CCDC18: variants seen among roughly 807,000 people sequenced by gnomAD.
The protein encoded by CCDC18 is coiled-coil domain-containing protein 18.
Under a neutral mutation model 196.0 loss-of-function variants are expected in CCDC18, and 157 were observed. That is an observed-to-expected ratio of 0.80 (90% CI 0.70 to 0.91). CCDC18 has a LOEUF of 0.91. CCDC18 is among the 40% of genes least tolerant of loss of function. CCDC18 has a pLI of 0.00. For synonymous variants in CCDC18, 482 were observed against 529.2 expected (o/e 0.91, Z 1.22); for missense variants, 1,465 against 1,611.6 (o/e 0.91, Z 1.56).
At chr1:93,193,346 A>G (rs1420537988) in intron 5 of CCDC18, among the ~76,000 whole-genome samples, 1 of 152,166 alleles carries the variant, frequency 6.6e-6, no homozygotes, top group Non-Finnish European at 1.5e-5. Context: ...TAGTTTCTGA[A>G]CTATACAGGA....
At position 93,227,969 on chromosome 1, in the gene CCDC18, A is replaced by ATATATATATATAT. The variant is rs1199036758; in HGVS notation, c.2292+1520_2292+1521insTATATATATATAT. On this transcript the variant is annotated intron_variant, in intron 17 of 28. Coordinates refer to ENST00000690025, the MANE Select transcript of CCDC18 (RefSeq NM_001378204.1). ...CGAGACCCTATCTCAAAAAAAAAAA[A>ATATATATATATAT]AAATATATATATATATATATTTATT... is the stretch of plus-strand genomic sequence containing the variant. Among the ~76,000 whole-genome samples the ATATATATATATAT allele has an allele frequency of 1.1e-4, 11 of 101,254 alleles. No homozygotes were observed. In the East Asian group the frequency reaches 1.6e-3, roughly 15 times the overall value. 66.4% of individuals were successfully genotyped at this position (101,254 alleles called of 152,430 possible). A position where few individuals can be genotyped will look rare whatever the true frequency, so the allele number is the denominator to read the frequency against.
At position 93,258,879 on chromosome 1, in the gene CCDC18, T is replaced by C. The variant is rs758201562; in HGVS notation, c.3678T>C (p.His1226=). The C allele has an allele frequency of 4.1e-5, 65 of 1,586,354 alleles. No homozygotes were observed. The South Asian group carries it at 6.4e-4, about 16-fold the overall frequency. ...AEVESLKEAY[H]MEMISHQENH... ...TAGAATCTCTCAAAGAAGCTTATCA[T>C]ATGGAGGTAAAGAAAAATTTAATTT... Residue 1226 remains histidine, a synonymous_variant, in exon 26 of 29, where the codon CAT becomes CAC. Transcript: ENST00000690025.
chr1:93,205,916 T>C (rs1654633247), intron 8 of CCDC18, among the ~76,000 whole-genome samples: 1 of 152,154 alleles, frequency 6.6e-6, no homozygotes, highest in Non-Finnish European at 1.5e-5. Flanking sequence ...TATAACCACA[T>C]TAACTCACTA....
chr1:93,205,158 G>A (rs925745512), intron 7 of CCDC18, among the ~76,000 whole-genome samples: 7 of 152,104 alleles, frequency 4.6e-5, no homozygotes, highest in East Asian at 1.9e-4. Flanking sequence ...CTGTGGTTTC[G>A]TTGGTAAATT....
chr1:93,276,241 GT>G (rs1376129130), intron 28 of CCDC18, among the ~76,000 whole-genome samples: 1 of 152,214 alleles, frequency 6.6e-6, no homozygotes, highest in Non-Finnish European at 1.5e-5. Flanking sequence ...TTTCCTAATG[GT>G]TAAGTACGTT....
In CCDC18 at chr1:93,256,457, T is replaced by A. The variant is rs946926733; in HGVS notation, c.3465T>A (p.Arg1155=). ...CTCATACAGAATTGGCAGAGGCTCG[T>A]CATCAGCAAGTCCAAGCACAGAGAG... is the stretch of plus-strand genomic sequence containing the variant. ...QNSHTELAEA[R]HQQVQAQREI... The change falls in exon 25 of 29, where the codon CGT becomes CGA. Residue 1155 remains arginine (R), a synonymous_variant. Coordinates refer to ENST00000690025, the MANE Select transcript of CCDC18 (RefSeq NM_001378204.1). 3.7e-6 allele frequency: 6 copies of A among 1,613,968 alleles called. No individual in the cohort carries two copies. In the Admixed American group the frequency reaches 6.7e-5, roughly 18 times the overall value.
intron 17 of CCDC18, among the ~76,000 whole-genome samples, chr1:93,228,060 C>A (rs1033150493): frequency 3.3e-5 from 5 of 150,372 alleles, no homozygotes; most frequent in Non-Finnish European, 5.9e-5. Flanking sequence ...AAAACAGAAG[C>A]CTTTATATCT....
chr1:93,241,929 T>G (rs1261840705), intron 21 of CCDC18, among the ~76,000 whole-genome samples: 1 of 151,752 alleles, frequency 6.6e-6, no homozygotes, highest in African/African-American at 2.4e-5. Context: ...AGAAAAAAAA[T>G]GAAACCCTCA....
At position 93,236,340 on chromosome 1, in the gene CCDC18, T is replaced by C. The variant is rs894334917; in HGVS notation, c.2553T>C (p.His851=). The C allele has an allele frequency of 2.5e-6, 4 of 1,583,276 alleles. No homozygotes were observed. The African/African-American group carries it at 5.5e-5, about 22-fold the overall frequency. The change falls in exon 19 of 29, where the codon CAT becomes CAC. Residue 851 remains histidine (H), a synonymous_variant. Transcript: ENST00000690025. ...KMEEKCESAA[H]EADLKRQKVI... Reference sequence around the variant, plus strand: ...AGGAGAAATGTGAATCAGCTGCACATGAAGCAGATTTGAAAAGGCAAAAAG... The same window carrying C: ...AGGAGAAATGTGAATCAGCTGCACACGAAGCAGATTTGAAAAGGCAAAAAG...
intron 23 of CCDC18, 132 bp downstream of exon 23, chr1:93,247,086 T>A (rs1661584388): frequency 6.0e-6 from 3 of 503,978 alleles, no homozygotes; most frequent in East Asian, 7.6e-5. Context: ...GGAGACAGAG[T>A]CGTTCTCTGT....
intron 26 of CCDC18, among the ~76,000 whole-genome samples, chr1:93,261,909 A>G (rs1239559986): frequency 4.6e-5 from 7 of 152,204 alleles, no homozygotes; most frequent in Non-Finnish European, 8.8e-5. Flanking sequence ...TTATAAAGAA[A>G]AGAGCTTTAA....
chr1:93,234,978 T>G (rs1203204819), intron 18 of CCDC18, among the ~76,000 whole-genome samples: 8 of 143,462 alleles, frequency 5.6e-5, no homozygotes, highest in East Asian at 2.0e-4. Flanking sequence ...TGTGTGGCTT[T>G]TCTTTTTTTT....
intron 21 of CCDC18, among the ~76,000 whole-genome samples, chr1:93,240,963 A>C (rs1660692042): frequency 6.6e-6 from 1 of 152,074 alleles, no homozygotes; most frequent in Non-Finnish European, 1.5e-5. Context: ...TATTTCCAAA[A>C]CATATATATA....
intron 16 of CCDC18, among the ~76,000 whole-genome samples, chr1:93,222,511 T>G (rs1180524340): frequency 6.6e-6 from 1 of 152,192 alleles, no homozygotes; most frequent in African/African-American, 2.4e-5. Context: ...TAAGATTAAT[T>G]GAGATAAAGC....
intron 6 of CCDC18, among the ~76,000 whole-genome samples, chr1:93,200,642 A>G: frequency 6.6e-6 from 1 of 152,230 alleles, no homozygotes; most frequent in Non-Finnish European, 1.5e-5. Flanking sequence ...GGGACACATA[A>G]GGACCTCAAC....
intron 6 of CCDC18, among the ~76,000 whole-genome samples, chr1:93,200,591 G>T (rs916250124): frequency 1.3e-5 from 2 of 152,210 alleles, no homozygotes; most frequent in South Asian, 2.1e-4. Flanking sequence ...TCAGGATAGG[G>T]TTACCTCTGT....
chr1:93,202,052 G>A, intron 7 of CCDC18, 64 bp downstream of exon 7: 1 of 888,896 alleles, frequency 1.1e-6, no homozygotes. Context: ...AGTAAAGGTA[G>A]GAATAATTAA....
At chr1:93,240,568 A>T (rs1301381049) in intron 21 of CCDC18, among the ~76,000 whole-genome samples, 1 of 152,228 alleles carries the variant, frequency 6.6e-6, no homozygotes, top group Non-Finnish European at 1.5e-5. Context: ...AACAGGATAA[A>T]GAGCAGCAAG....
At chr1:93,211,334 G>A (rs1255731105) in intron 10 of CCDC18, among the ~76,000 whole-genome samples, 6 of 150,714 alleles carry the variant, frequency 4.0e-5, no homozygotes, top group Non-Finnish European at 7.4e-5. Flanking sequence ...GAAAAGCTCA[G>A]AGAATATTAT....
Sources: gnomAD v4.1 joint callset for allele counts (sites outside exome capture counted in the v4.1 genomes callset) on GRCh38, gnomAD v4.1.1 for gene constraint, MANE v1.5 for transcripts, NCBI Gene and HGNC (gene_info 2026-07-23, HGNC 2026-07-21) for gene names.